Variants in TSPAN7 observed in about 807,000 individuals in gnomAD.
TSPAN7 encodes the protein tetraspanin-7.
A neutral mutation model predicts 17.6 loss-of-function variants in TSPAN7; 1 was observed. The ratio of observed to expected loss-of-function variants is 0.06; its 90% CI spans 0.02 to 0.27. The LOEUF (loss-of-function observed/expected upper bound fraction) is 0.27. Ranked by LOEUF, TSPAN7 falls within the 10% of genes least tolerant of loss-of-function variation. The pLI, the probability that TSPAN7 is intolerant of heterozygous loss-of-function variation, is 1.00. For missense variants in TSPAN7, 112 were observed against 201.7 expected (o/e 0.56, Z 2.69); for synonymous variants, 78 against 79.0 (o/e 0.99, Z 0.07).
At chrX:38,609,414 C>T (rs993240836) in intron 1 of TSPAN7, among the ~76,000 whole-genome samples, 46 of 111,076 alleles carry the variant, frequency 4.1e-4, no homozygotes, top group Non-Finnish European at 3.0e-4. Context: ...TTAGGAGCTA[C>T]GTGTATGAAA....
At chrX:38,657,799 T>C (rs950741398) in intron 1 of TSPAN7, among the ~76,000 whole-genome samples, 6 of 112,483 alleles carry the variant, frequency 5.3e-5, no homozygotes, top group Non-Finnish European at 1.1e-4. Context: ...AATGATTAGT[T>C]GTTTCACTAC....
chrX:38,575,515 G>C (rs1490924876), intron 1 of TSPAN7, among the ~76,000 whole-genome samples: 1 of 111,796 alleles, frequency 8.9e-6, no homozygotes, highest in Non-Finnish European at 1.9e-5. Context: ...ATTTCAGTGA[G>C]AGAAACTAGA....
intron 1 of TSPAN7, among the ~76,000 whole-genome samples, chrX:38,597,510 G>A (rs1411170636): frequency 9.0e-6 from 1 of 111,150 alleles, no homozygotes; most frequent in African/African-American, 3.3e-5. Context: ...ATGAGTTAGA[G>A]CAGTGTTGGC....
chrX:38,565,354 C>G (rs753532739), intron 1 of TSPAN7, among the ~76,000 whole-genome samples: 1 of 111,633 alleles, frequency 9.0e-6, no homozygotes, highest in Non-Finnish European at 1.9e-5. Context: ...CTCAGCCTGC[C>G]GAGTAGCTGG....
chrX:38,652,149 A>G (rs1285318512), intron 1 of TSPAN7, among the ~76,000 whole-genome samples: 1 of 111,824 alleles, frequency 8.9e-6, no homozygotes, highest in Non-Finnish European at 1.9e-5. Flanking sequence ...TTGAAGATCA[A>G]AGGAAATGAA....
chrX:38,599,796 TAGAA>T (rs1432887472), intron 1 of TSPAN7, among the ~76,000 whole-genome samples: 1 of 112,060 alleles, frequency 8.9e-6, no homozygotes, highest in Admixed American at 9.4e-5. Context: ...TTGCATATCA[TAGAA>T]AGAAAGCTTT....
intron 1 of TSPAN7, among the ~76,000 whole-genome samples, chrX:38,596,237 T>C (rs184831922): frequency 9.0e-6 from 1 of 111,659 alleles, no homozygotes; most frequent in East Asian, 2.9e-4. Flanking sequence ...AGTGAAGCAT[T>C]CTGTATCTTT....
chrX:38,688,572 G>A lies in TSPAN7; in HGVS notation c.*641G>A, dbSNP rs2069938316. 8.9e-6 allele frequency: 1 copy of A among 112,380 alleles called. No individual in the cohort carries two copies. Among genetic ancestry groups the A allele is most frequent in the Non-Finnish European group, 1.9e-5 (1 of 53,209 alleles). 9.3% of individuals were successfully genotyped at this position (112,380 alleles called of 1,213,427 possible). On this transcript the variant is annotated 3_prime_UTR_variant, in exon 8 of 8. Coordinates refer to ENST00000378482, the MANE Select transcript of TSPAN7 (RefSeq NM_004615.4). ...GGCCTCCTTGCTTGTTACATACCTG[G>A]GTATGTGTAGGCAGTTTAGTGCATC...
intron 1 of TSPAN7, among the ~76,000 whole-genome samples, chrX:38,619,713 C>T (rs987068048): frequency 2.7e-5 from 3 of 111,688 alleles, no homozygotes; most frequent in Non-Finnish European, 5.6e-5. Flanking sequence ...AGAGCATACT[C>T]CGACAAAACT....
At chrX:38,566,234 G>T in intron 1 of TSPAN7, 2 of 549,518 alleles carry the variant, frequency 3.6e-6, no homozygotes, top group Non-Finnish European at 4.9e-6. Flanking sequence ...GAATGGATGG[G>T]ATGATTTGTC....
chrX:38,605,096 A>G (rs1345942972), intron 1 of TSPAN7, among the ~76,000 whole-genome samples: 13 of 109,434 alleles, frequency 1.2e-4, no homozygotes, highest in African/African-American at 3.4e-4. Context: ...AGGGTATTCA[A>G]TTAGGAAAAG....
intron 1 of TSPAN7, among the ~76,000 whole-genome samples, chrX:38,584,866 A>G (rs147411304): frequency 3.8e-3 from 424 of 111,078 alleles, no homozygotes; most frequent in Admixed American, 8.7e-3. Context: ...CATCTCCTTG[A>G]TTTTCTTTAT....
At chrX:38,575,869 A>C (rs1393028002) in intron 1 of TSPAN7, among the ~76,000 whole-genome samples, 1 of 112,257 alleles carries the variant, frequency 8.9e-6, no homozygotes, top group Non-Finnish European at 1.9e-5. Context: ...TTTAAAAAAA[A>C]GTCTGTTTAC....
At chrX:38,659,385 A>G (rs1428933870) in intron 1 of TSPAN7, among the ~76,000 whole-genome samples, 1 of 111,575 alleles carries the variant, frequency 9.0e-6, no homozygotes, top group East Asian at 2.8e-4. Flanking sequence ...GAATCTTAGA[A>G]ACTCTCTTTT....
chrX:38,613,155 GTAA>G (rs903906558), intron 1 of TSPAN7, among the ~76,000 whole-genome samples: 4 of 111,883 alleles, frequency 3.6e-5, no homozygotes, highest in Non-Finnish European at 7.5e-5. Context: ...TAATTTTGGA[GTAA>G]TATCTTCTAA....
At chrX:38,602,751 G>A (rs2069353125) in intron 1 of TSPAN7, among the ~76,000 whole-genome samples, 1 of 111,596 alleles carries the variant, frequency 9.0e-6, no homozygotes, top group Non-Finnish European at 1.9e-5. Context: ...TCTCTCAAAG[G>A]TGGTAACATT....
chrX:38,561,609 C>G lies in TSPAN7; in HGVS notation c.63C>G (p.Ile21Met). 8.3e-7 allele frequency: 1 copy of G among 1,207,865 alleles called. No homozygotes were observed. Among genetic ancestry groups the G allele is most frequent in the Non-Finnish European group, 1.1e-6 (1 of 893,015 alleles). The change falls in exon 1 of 8, where the codon ATC becomes ATG. Residue 21 changes from isoleucine to methionine, a missense_variant. Ile to Met is a conservative substitution (Grantham distance 10). Transcript: ENST00000378482. ...VITCLKTLLI[I>M]YSFVFWITGV... ...CCTGTCTCAAAACCCTCCTCATCATCTACTCCTTCGTCTTCTGGGTAAGTG... is the reference window on the plus strand; with the variant it reads ...CCTGTCTCAAAACCCTCCTCATCATGTACTCCTTCGTCTTCTGGGTAAGTG...
intron 1 of TSPAN7, among the ~76,000 whole-genome samples, chrX:38,601,050 C>T (rs2069344008): frequency 9.0e-6 from 1 of 111,695 alleles, no homozygotes; most frequent in Admixed American, 9.5e-5. Flanking sequence ...AGACGTTGGT[C>T]TGCCCTTCCC....
rs764377326 is a variant in TSPAN7 at position 38,667,191 on chromosome X, T to C, written c.270+882T>C. ...GCTACCAGGACCAGTGCAGGGTGCA[T>C]ACTCTCATGGGACAGATAAAGCAGT... On this transcript the variant is annotated intron_variant, in intron 2 of 7. Coordinates refer to ENST00000378482, the MANE Select transcript of TSPAN7 (RefSeq NM_004615.4). 6.3e-5 allele frequency among the ~76,000 whole-genome samples: 7 copies of C among 111,616 alleles called. No homozygotes were observed. In the East Asian group the frequency reaches 1.7e-3, roughly 27 times the overall value.
Sources: allele counts gnomAD v4.1 joint callset (sites outside exome capture counted in the v4.1 genomes callset), GRCh38; gene constraint gnomAD v4.1.1; transcripts MANE v1.5; gene names NCBI Gene and HGNC (gene_info 2026-07-23, HGNC 2026-07-21).